Variants in RBIS observed in about 807,000 individuals in gnomAD.
The protein encoded by RBIS is ribosomal biogenesis factor, also known as ribosome biogenesis factor identified in screen.
Under a neutral mutation model 9.8 loss-of-function variants are expected in RBIS, and 9 were observed. The observed-to-expected ratio is 0.92, with a 90% CI of 0.56 to 1.61. RBIS has a LOEUF of 1.61. RBIS is among the 40% of genes most tolerant of loss of function. The pLI, the probability that RBIS is intolerant of heterozygous loss-of-function variation, is 0.00. For synonymous variants in RBIS, 35 were observed against 37.9 expected, an observed-to-expected ratio of 0.92 and a Z score of 0.28; for missense variants, 103 against 116.0, an observed-to-expected ratio of 0.89 and a Z score of 0.51.
chr8:85,218,847 T>C (rs1337897946), intron 1 of RBIS: 2 of 152,042 alleles, frequency 1.3e-5, no homozygotes, highest in African/African-American at 4.8e-5. Context: ...AATTAATTAA[T>C]TAAAAAATAA....
intron 1 of RBIS, 146 bp from the exon 2 acceptor site, chr8:85,217,648 C>G: frequency 3.3e-6 from 2 of 615,370 alleles, no homozygotes; most frequent in South Asian, 2.0e-5. Context: ...ATTTCCAAGT[C>G]TTTCACTCCT....
At chr8:85,219,294 C>T (rs1001741224) in intron 1 of RBIS, 3 of 152,188 alleles carry the variant, frequency 2.0e-5, no homozygotes, top group Non-Finnish European at 2.9e-5. Flanking sequence ...AGCCTTACTA[C>T]ATTGTAAGTA....
At chr8:85,215,704 C>T (rs987931347) in intron 2 of RBIS, 2 of 152,284 alleles carry the variant, frequency 1.3e-5, no homozygotes, top group African/African-American at 2.4e-5. Flanking sequence ...GCACCTCTTC[C>T]ATCTGGCTAC....
intron 1 of RBIS, chr8:85,219,025 T>C (rs1399280594): frequency 6.6e-6 from 1 of 152,224 alleles, no homozygotes. Flanking sequence ...GGCACCAAGC[T>C]ATGCGATCGA....
intron 2 of RBIS, chr8:85,217,030 T>C (rs1813178485): frequency 2.7e-6 from 1 of 369,454 alleles, no homozygotes; most frequent in Non-Finnish European, 4.8e-6. Flanking sequence ...GGGTGCTCAC[T>C]GACATCCCAT....
intron 1 of RBIS, chr8:85,219,251 G>A (rs1367990945): frequency 1.3e-5 from 2 of 152,162 alleles, no homozygotes; most frequent in African/African-American, 4.8e-5. Flanking sequence ...CTCAGTCGTA[G>A]TCTTGACTGA....
chr8:85,214,503 T>C lies in RBIS; in HGVS notation c.*57A>G. 1 of 1,169,388 alleles carries C rather than the reference T, an allele frequency of 8.6e-7. No homozygotes were observed. The highest frequency in any genetic ancestry group is 1.3e-6 in the Non-Finnish European group (1 of 792,880). The allele number at this position is 1,169,388 out of a possible 1,614,324, so 72.4% of individuals were successfully genotyped here. ...TTAACAAGATTTTTAAAAATAAAATTGTATAAAACATTCAATTTATTGGTC... is the reference window on the plus strand; with the variant it reads ...TTAACAAGATTTTTAAAAATAAAATCGTATAAAACATTCAATTTATTGGTC... On this transcript the variant is annotated 3_prime_UTR_variant, in exon 4 of 4. Coordinates refer to ENST00000619594, the MANE Select transcript of RBIS (RefSeq NM_001099673.3).
chr8:85,214,840 TA>T (rs1813070469), intron 3 of RBIS, 80 bp downstream of exon 3: 2 of 834,072 alleles, frequency 2.4e-6, no homozygotes, highest in Non-Finnish European at 3.9e-6. Flanking sequence ...ACACTCAACT[TA>T]CAGGCTTTGA....
At chr8:85,215,984 G>A (rs968261226) in intron 2 of RBIS, 1 of 152,226 alleles carries the variant, frequency 6.6e-6, no homozygotes, top group Admixed American at 6.5e-5. Flanking sequence ...AGGACACCCA[G>A]CTGCTGCCTG....
intron 2 of RBIS, chr8:85,217,137 CTA>C (rs1813182941): frequency 1.7e-6 from 1 of 603,172 alleles, no homozygotes; most frequent in Non-Finnish European, 2.9e-6. Context: ...TTCAGTAAAA[CTA>C]TTAAATTGAA....
At chr8:85,215,263 C>A in intron 2 of RBIS, 1 of 254,768 alleles carries the variant, frequency 3.9e-6, no homozygotes, top group Non-Finnish European at 7.4e-6. Flanking sequence ...GTTCAGAAGG[C>A]TAAAATATGT....
chr8:85,216,770 T>C (rs556563597), intron 2 of RBIS: 2 of 152,520 alleles, frequency 1.3e-5, no homozygotes, highest in Admixed American at 6.5e-5. Context: ...GTTAGATTTC[T>C]ATGGACTATT....
At position 85,214,558 on chromosome 8, in the gene RBIS, T is replaced by A. The variant is rs1268805523; in HGVS notation, c.*2A>T. 2.7e-5 allele frequency: 41 copies of A among 1,533,680 alleles called. 1 individual carries two copies. Among genetic ancestry groups the A allele is most frequent in the Non-Finnish European group, 3.5e-5 (39 of 1,108,408 alleles). ...TGGAGAATTAGATGCATCACCAGTA[T>A]ATTACAACAGAGCCATTAATCTTGT... On this transcript the variant is annotated 3_prime_UTR_variant, in exon 4 of 4. Coordinates refer to ENST00000619594, the MANE Select transcript of RBIS (RefSeq NM_001099673.3).
Sources: gnomAD v4.1 joint callset for allele counts on GRCh38, gnomAD v4.1.1 for gene constraint, MANE v1.5 for transcripts, NCBI Gene and HGNC (gene_info 2026-07-23, HGNC 2026-07-21) for gene names.